The following PCDH9 variants were observed in gnomAD, a reference collection of about 807,000 sequenced individuals.
PCDH9 encodes protocadherin 9, also known as protocadherin-9.
In PCDH9, 24 loss-of-function variants were observed where a neutral mutation model predicts 70.6. The observed-to-expected ratio is 0.34, with a 90% confidence interval of 0.25 to 0.48. The LOEUF is 0.48. Among genes scored for constraint, PCDH9 ranks in the 20% least tolerant of loss-of-function variants. PCDH9 has a pLI of 0.99. For missense variants in PCDH9, 1,281 were observed against 1,503.6 expected, an observed-to-expected ratio of 0.85 and a Z score of 2.45; for synonymous variants, 562 against 558.5, an observed-to-expected ratio of 1.01 and a Z score of -0.09.
At chr13:67,026,615 AGTCAAATT>A (rs1472742536) in intron 2 of PCDH9, among the ~76,000 whole-genome samples, 2 of 152,092 alleles carry the variant, frequency 1.3e-5, no homozygotes, top group African/African-American at 4.8e-5. Flanking sequence ...GAAAAGAGGA[AGTCAAATT>A]GTCCTTGTTT....
chr13:66,843,769 A>G (rs1227682739), intron 3 of PCDH9, among the ~76,000 whole-genome samples: 1 of 152,220 alleles, frequency 6.6e-6, no homozygotes, highest in African/African-American at 2.4e-5. Context: ...AAGTCTTTCA[A>G]AGGAACAACC....
intron 2 of PCDH9, among the ~76,000 whole-genome samples, chr13:67,059,171 A>G (rs1234617877): frequency 2.6e-5 from 4 of 151,764 alleles, no homozygotes; most frequent in African/African-American, 7.3e-5. Context: ...AGTTGTTCAC[A>G]TATAACTTCT....
intron 2 of PCDH9, among the ~76,000 whole-genome samples, chr13:66,932,681 T>TATATATATATATATATAC (rs1313632174): frequency 0.023 from 2,576 of 113,990 alleles, 42 homozygotes; most frequent in East Asian, 0.053. Context: ...TATATATATA[T>TATATATATATATATATAC]ACACACACAC....
In PCDH9 at chr13:67,228,484, G is replaced by C. The variant is rs1262686315; in HGVS notation, c.-44C>G. On this transcript the variant is annotated 5_prime_UTR_variant, in exon 2 of 5. Coordinates refer to ENST00000377865, the MANE Select transcript of PCDH9 (RefSeq NM_203487.3). ...TTTTCCTGGATTTTAGGGTTTAAAG[G>C]TTTCCACTGAGGAATGATGCACAAA... 1.3e-6 allele frequency: 2 copies of C among 1,491,134 alleles called. No homozygotes were observed. The highest frequency in any genetic ancestry group is 2.3e-5 in the East Asian group (1 of 43,726). 92.4% of individuals were successfully genotyped at this position (1,491,134 alleles called of 1,614,324 possible).
At chr13:66,538,602 C>T (rs1449202724) in intron 4 of PCDH9, among the ~76,000 whole-genome samples, 1 of 151,534 alleles carries the variant, frequency 6.6e-6, no homozygotes, top group Non-Finnish European at 1.5e-5. Flanking sequence ...TGGCAGAATT[C>T]CCTCTTCCTT....
chr13:66,879,651 C>T (rs1024474337), intron 3 of PCDH9, among the ~76,000 whole-genome samples: 1 of 152,066 alleles, frequency 6.6e-6, no homozygotes, highest in Non-Finnish European at 1.5e-5. Flanking sequence ...TCACCTTGTT[C>T]ATGTTAAAAA....
At chr13:66,782,616 A>T (rs967851689) in intron 3 of PCDH9, 4 of 152,178 alleles carry the variant, frequency 2.6e-5, no homozygotes, top group African/African-American at 9.7e-5. Context: ...TTCAATTAAT[A>T]TATTATTAAA....
At position 66,916,189 on chromosome 13, in the gene PCDH9, T is replaced by C. The variant is rs138568929; in HGVS notation, c.3037-12584A>G. On this transcript the variant is annotated intron_variant, in intron 2 of 4. Coordinates refer to ENST00000377865, the MANE Select transcript of PCDH9 (RefSeq NM_203487.3). ...ATTGAAGCAAAGACAAATTCAGATA[T>C]ATTCTCAATCCCGTATTTTAAATTA... Among the ~76,000 whole-genome samples the C allele has an allele frequency of 2.7e-3, 414 of 151,792 alleles. 1 individual carries two copies. The highest frequency in any genetic ancestry group is 3.7e-3 in the Non-Finnish European group (250 of 67,728).
intron 3 of PCDH9, among the ~76,000 whole-genome samples, chr13:66,713,725 C>T (rs2078830848): frequency 6.7e-6 from 1 of 149,554 alleles, no homozygotes. Context: ...GACATATCTT[C>T]TTACCTCTCC....
chr13:66,963,938 G>C (rs2083391157), intron 2 of PCDH9, among the ~76,000 whole-genome samples: 1 of 152,000 alleles, frequency 6.6e-6, no homozygotes, highest in Non-Finnish European at 1.5e-5. Context: ...TTAAGTTCAT[G>C]TGTCAAGTAA....
intron 2 of PCDH9, among the ~76,000 whole-genome samples, chr13:66,942,722 G>A (rs1199536935): frequency 6.6e-6 from 1 of 152,044 alleles, no homozygotes; most frequent in East Asian, 1.9e-4. Context: ...CAACAGGAAT[G>A]TTCAATCATC....
chr13:66,887,417 A>G lies in PCDH9; in HGVS notation c.3138+16087T>C, dbSNP rs555852768. ...TGCTACGTTCTATTTTCTACAGCAGAGATTTTTTTTAACAAACAAAGTAGG... is the reference window on the plus strand; with the variant it reads ...TGCTACGTTCTATTTTCTACAGCAGGGATTTTTTTTAACAAACAAAGTAGG... On this transcript the variant is annotated intron_variant, in intron 3 of 4. Coordinates refer to ENST00000377865, the MANE Select transcript of PCDH9 (RefSeq NM_203487.3). Among the ~76,000 whole-genome samples the G allele has an allele frequency of 2.0e-5, 3 of 152,316 alleles. No individual in the cohort carries two copies. The East Asian group carries it at 5.8e-4, about 29-fold the overall frequency.
intron 4 of PCDH9, among the ~76,000 whole-genome samples, chr13:66,618,992 A>G (rs1358861410): frequency 6.6e-6 from 1 of 152,218 alleles, no homozygotes; most frequent in Non-Finnish European, 1.5e-5. Flanking sequence ...CTTAAACATG[A>G]TAAAATATTA....
chr13:66,971,268 T>C (rs1290600586), intron 2 of PCDH9, among the ~76,000 whole-genome samples: 1 of 152,062 alleles, frequency 6.6e-6, no homozygotes, highest in Admixed American at 6.6e-5. Context: ...TTCATATGTG[T>C]AATCACCCAT....
Position 66,382,471 on chromosome 13 carries a change from G to A in PCDH9, c.3341-77443C>T, listed in dbSNP as rs1030513134. Among the ~76,000 whole-genome samples the A allele has an allele frequency of 2.4e-4, 37 of 151,960 alleles. 2 individuals carry two copies. The highest frequency in any genetic ancestry group is 6.6e-5 in the Admixed American group (1 of 15,252). On this transcript the variant is annotated intron_variant, in intron 4 of 4. Coordinates refer to ENST00000377865, the MANE Select transcript of PCDH9 (RefSeq NM_203487.3). ...TGAAATAAGAAGGGAATTACCAATT[G>A]CTATTGTCCTAGCTACTAAAAAACT...
chr13:67,047,081 C>T (rs2139921319), intron 2 of PCDH9, among the ~76,000 whole-genome samples: 1 of 152,218 alleles, frequency 6.6e-6, no homozygotes, highest in Non-Finnish European at 1.5e-5. Flanking sequence ...TATTAAAGTG[C>T]TAATGGGGAA....
chr13:66,520,395 T>G (rs1484686169), intron 4 of PCDH9, among the ~76,000 whole-genome samples: 1 of 152,224 alleles, frequency 6.6e-6, no homozygotes, highest in Non-Finnish European at 1.5e-5. Flanking sequence ...TTACTTTTGT[T>G]CATAATACTG....
intron 3 of PCDH9, among the ~76,000 whole-genome samples, chr13:66,824,410 C>A (rs1462073055): frequency 6.8e-6 from 1 of 147,798 alleles, no homozygotes; most frequent in East Asian, 2.0e-4. Flanking sequence ...AATCCCAGCA[C>A]TTTGGGAGGC....
At chr13:67,019,371 G>C (rs181832846) in intron 2 of PCDH9, among the ~76,000 whole-genome samples, 1 of 151,052 alleles carries the variant, frequency 6.6e-6, no homozygotes, top group East Asian at 2.0e-4. Context: ...TTTTTTTTGT[G>C]TATTTAGTAG....
Sources: gnomAD v4.1 joint callset for allele counts (sites outside exome capture counted in the v4.1 genomes callset) on GRCh38, gnomAD v4.1.1 for gene constraint, MANE v1.5 for transcripts, NCBI Gene and HGNC (gene_info 2026-07-23, HGNC 2026-07-21) for gene names.